EXOC4: variants seen among roughly 807,000 people sequenced by gnomAD.
The protein encoded by EXOC4 is exocyst complex component 4.
EXOC4 carries 71 observed loss-of-function variants against 107.2 expected under a neutral mutation model. The observed-to-expected ratio is 0.66, with a 90% CI of 0.55 to 0.81. The LOEUF (loss-of-function observed/expected upper bound fraction) is 0.81. Among genes scored for constraint, EXOC4 ranks in the 30% least tolerant of loss-of-function variants. The pLI, the probability that EXOC4 is intolerant of heterozygous loss-of-function variation, is 0.00. For missense variants in EXOC4, 1,108 were observed against 1,189.6 expected, an observed-to-expected ratio of 0.93 and a Z score of 1.01; for synonymous variants, 456 against 441.2, an observed-to-expected ratio of 1.03 and a Z score of -0.42.
intron 2 of EXOC4, among the ~76,000 whole-genome samples, chr7:133,276,783 GT>G (rs1794003802): frequency 6.6e-6 from 1 of 152,110 alleles, no homozygotes; most frequent in Non-Finnish European, 1.5e-5. Context: ...GCATCTTCAT[GT>G]TTTGTTTTCT....
At chr7:133,474,552 A>T (rs1427992323) in intron 7 of EXOC4, among the ~76,000 whole-genome samples, 2 of 150,842 alleles carry the variant, frequency 1.3e-5, no homozygotes, top group East Asian at 3.9e-4. Context: ...GCCTCAAGTG[A>T]TCCTCCTACC....
At chr7:134,023,056 A>C (rs1795062953) in intron 17 of EXOC4, among the ~76,000 whole-genome samples, 1 of 152,212 alleles carries the variant, frequency 6.6e-6, no homozygotes, top group Non-Finnish European at 1.5e-5. Flanking sequence ...AACCAAATAT[A>C]AGAACAGTAA....
At chr7:133,327,150 G>A (rs1302845961) in intron 5 of EXOC4, among the ~76,000 whole-genome samples, 1 of 152,238 alleles carries the variant, frequency 6.6e-6, no homozygotes, top group Non-Finnish European at 1.5e-5. Flanking sequence ...GACCCCTTGT[G>A]CTTCCCGAGT....
At chr7:133,920,468 A>T (rs1192088538) in intron 13 of EXOC4, among the ~76,000 whole-genome samples, 1 of 152,020 alleles carries the variant, frequency 6.6e-6, no homozygotes, top group East Asian at 1.9e-4. Context: ...TATTAGTTAT[A>T]CTTCTTTTTT....
intron 11 of EXOC4, among the ~76,000 whole-genome samples, chr7:133,836,453 G>A (rs1797920719): frequency 6.6e-6 from 1 of 152,092 alleles, no homozygotes; most frequent in South Asian, 2.1e-4. Context: ...TCATGTGCTG[G>A]ATGGTTTATT....
intron 10 of EXOC4, among the ~76,000 whole-genome samples, chr7:133,661,171 A>T (rs1049162911): frequency 1.3e-5 from 2 of 152,076 alleles, no homozygotes. Context: ...AAGGATGGGA[A>T]CCTACCTTCC....
At chr7:134,014,379 G>A (rs1794847464) in intron 17 of EXOC4, among the ~76,000 whole-genome samples, 1 of 152,118 alleles carries the variant, frequency 6.6e-6, no homozygotes, top group Non-Finnish European at 1.5e-5. Flanking sequence ...CTCCAGCCTG[G>A]GCGACAGAGC....
At chr7:133,373,590 T>G (rs1202936645) in intron 6 of EXOC4, among the ~76,000 whole-genome samples, 1 of 152,210 alleles carries the variant, frequency 6.6e-6, no homozygotes, top group African/African-American at 2.4e-5. Context: ...TGGATGAGAT[T>G]GTAGTTATAA....
intron 7 of EXOC4, among the ~76,000 whole-genome samples, chr7:133,402,902 T>G (rs1463956457): frequency 6.7e-6 from 1 of 148,424 alleles, no homozygotes; most frequent in Non-Finnish European, 1.5e-5. Flanking sequence ...TTTTTTTTTT[T>G]TGAGACGGAG....
chr7:133,725,716 G>C (rs1330232502), intron 10 of EXOC4, among the ~76,000 whole-genome samples: 4 of 152,162 alleles, frequency 2.6e-5, no homozygotes, highest in Non-Finnish European at 4.4e-5. Context: ...AACTACTGAA[G>C]TATACTATTG....
intron 9 of EXOC4, among the ~76,000 whole-genome samples, chr7:133,497,664 C>T (rs1319623272): frequency 2.6e-5 from 4 of 152,202 alleles, no homozygotes; most frequent in East Asian, 1.9e-4. Flanking sequence ...CCCCTGACCT[C>T]GTGTTCCGCC....
rs552458930 is a variant in EXOC4 at position 133,440,639 on chromosome 7, G to C, written c.1183-34689G>C. Among the ~76,000 whole-genome samples the C allele has an allele frequency of 5.3e-5, 8 of 152,298 alleles. No individual in the cohort carries two copies. In the South Asian group the frequency reaches 1.7e-3, roughly 32 times the overall value. On this transcript the variant is annotated intron_variant, in intron 7 of 17. Transcript: ENST00000253861. ...TGATAAAATAGGTTGCAGTAAAGAA[G>C]CTGGGCAAACCCACTAAAACCAAGA...
chr7:134,023,665 A>T (rs948450972), intron 17 of EXOC4, among the ~76,000 whole-genome samples: 14 of 152,198 alleles, frequency 9.2e-5, no homozygotes, highest in African/African-American at 3.4e-4. Context: ...GTCTATCTGC[A>T]GTTTAGCCAT....
At chr7:133,975,006 G>A (rs530525139) in intron 14 of EXOC4, among the ~76,000 whole-genome samples, 8 of 137,764 alleles carry the variant, frequency 5.8e-5, no homozygotes, top group Middle Eastern at 3.4e-3. Flanking sequence ...AAATTCAAGC[G>A]CTGTATAAAT....
At chr7:133,629,788 C>T (rs1384939101) in intron 9 of EXOC4, among the ~76,000 whole-genome samples, 1 of 152,022 alleles carries the variant, frequency 6.6e-6, no homozygotes, top group East Asian at 1.9e-4. Flanking sequence ...AGTGATCCAC[C>T]CTCCTCAGCC....
chr7:133,821,129 T>C (rs1389378446), intron 11 of EXOC4, among the ~76,000 whole-genome samples: 1 of 152,178 alleles, frequency 6.6e-6, no homozygotes, highest in Admixed American at 6.5e-5. Flanking sequence ...GCAGTTATAA[T>C]AGTAGATAGT....
chr7:133,652,354 ATTG>A (rs1164743644), intron 10 of EXOC4, among the ~76,000 whole-genome samples: 1 of 152,126 alleles, frequency 6.6e-6, no homozygotes, highest in Non-Finnish European at 1.5e-5. Flanking sequence ...TGTTGTTGTT[ATTG>A]TTCTTAAAGA....
chr7:133,811,033 C>T (rs1797216147), intron 10 of EXOC4, among the ~76,000 whole-genome samples: 1 of 152,080 alleles, frequency 6.6e-6, no homozygotes, highest in Non-Finnish European at 1.5e-5. Context: ...GTTTAGGAGG[C>T]TGATCTGAAT....
chr7:133,602,183 G>C (rs752867510), intron 9 of EXOC4, among the ~76,000 whole-genome samples: 3 of 152,132 alleles, frequency 2.0e-5, no homozygotes, highest in South Asian at 2.1e-4. Flanking sequence ...TATGTAAAAG[G>C]GTTTTGGAAT....
Sources: allele counts gnomAD v4.1 joint callset (sites outside exome capture counted in the v4.1 genomes callset), GRCh38; gene constraint gnomAD v4.1.1; transcripts MANE v1.5; gene names NCBI Gene and HGNC (gene_info 2026-07-23, HGNC 2026-07-21).